FOCAD: variants seen among roughly 807,000 people sequenced by gnomAD.
The protein encoded by FOCAD is KIAA1797.
A neutral mutation model predicts 225.6 loss-of-function variants in FOCAD; 198 were observed. The observed-to-expected ratio is 0.88, with a 90% CI of 0.78 to 0.99. The LOEUF (loss-of-function observed/expected upper bound fraction) is 0.99, where lower values mean the gene tolerates loss of function less well. Among genes scored for constraint, FOCAD ranks in the 50% least tolerant of loss-of-function variants. The probability of loss-of-function intolerance (pLI) is 0.00; values close to 1 mark genes in which losing one functional copy is unlikely to be tolerated. For missense variants in FOCAD, 2,713 were observed against 2,123.6 expected, an observed-to-expected ratio of 1.28 and a Z score of -5.46; for synonymous variants, 897 against 755.0, an observed-to-expected ratio of 1.19 and a Z score of -3.08.
At chr9:20,676,220 G>A (rs573372194) in intron 2 of FOCAD, among the ~76,000 whole-genome samples, 1 of 152,290 alleles carries the variant, frequency 6.6e-6, no homozygotes, top group Admixed American at 6.5e-5. Flanking sequence ...AGTTCCAATG[G>A]TGAACTTCAT....
intron 22 of FOCAD, among the ~76,000 whole-genome samples, chr9:20,908,896 G>T (rs1833202558): frequency 6.6e-6 from 1 of 151,972 alleles, no homozygotes; most frequent in Admixed American, 6.6e-5. Flanking sequence ...GATACTGAGG[G>T]CACTCCTTCC....
At chr9:20,859,317 G>C (rs1828536627) in intron 15 of FOCAD, among the ~76,000 whole-genome samples, 1 of 151,830 alleles carries the variant, frequency 6.6e-6, no homozygotes, top group Non-Finnish European at 1.5e-5. Context: ...GGGAGGTGGA[G>C]GTTGCAGTGA....
At chr9:20,752,514 C>G (rs1335466510) in intron 5 of FOCAD, among the ~76,000 whole-genome samples, 13 of 152,240 alleles carry the variant, frequency 8.5e-5, no homozygotes, top group Admixed American at 2.6e-4. Context: ...TTCCATTGAT[C>G]TATATCTCTG....
intron 10 of FOCAD, among the ~76,000 whole-genome samples, chr9:20,782,699 A>G (rs1442616428): frequency 1.3e-5 from 2 of 152,212 alleles, no homozygotes; most frequent in East Asian, 1.9e-4. Flanking sequence ...AAGCTGGTGA[A>G]GCATCTTAAA....
At chr9:20,692,007 C>T (rs943825448) in intron 1 of FOCAD, among the ~76,000 whole-genome samples, 2 of 152,142 alleles carry the variant, frequency 1.3e-5, no homozygotes, top group East Asian at 3.8e-4. Flanking sequence ...GCCTTGGCCT[C>T]CCAAAGTGCT....
chr9:20,976,480 G>A lies in FOCAD; in HGVS notation c.4193G>A (p.Gly1398Glu). The change falls in exon 36 of 44, where the codon GGA becomes GAA. Residue 1398 changes from glycine to glutamate, a missense_variant. Coordinates refer to ENST00000338382, the MANE Select transcript of FOCAD (RefSeq NM_001375567.1). ...GTGATGAAACCCATAGCAACTGTTG[G>A]AGAAAGCTACCAATATCCTCCTGTG... The part of the protein sequence containing the change: ...KVVMKPIATV[G>E]ESYQYPPVNW... The A allele has an allele frequency of 6.2e-7, 1 of 1,613,330 alleles. No individual in the cohort carries two copies.
In FOCAD at chr9:20,715,858, C is replaced by A. The variant is rs192552397; in HGVS notation, c.57+448C>A. Among the ~76,000 whole-genome samples, 75 of 152,186 alleles carry A rather than the reference C, an allele frequency of 4.9e-4. No individual in the cohort carries two copies. In the East Asian group the frequency reaches 9.8e-3, roughly 20 times the overall value. On this transcript the variant is annotated intron_variant, in intron 2 of 43. Coordinates refer to ENST00000338382, the MANE Select transcript of FOCAD (RefSeq NM_001375567.1). ...TGGATTAGAAAATTTGATATATCTA[C>A]TAAGATAGAAGATTGTGATAACTTT... is the stretch of plus-strand genomic sequence containing the variant.
chr9:20,826,280 C>T (rs534416839), intron 15 of FOCAD, among the ~76,000 whole-genome samples: 10 of 152,112 alleles, frequency 6.6e-5, no homozygotes, highest in South Asian at 2.1e-4. Flanking sequence ...AGAGTAAAGC[C>T]GGCAGAAGAA....
At chr9:20,935,039 T>C (rs1835827699) in intron 28 of FOCAD, among the ~76,000 whole-genome samples, 1 of 152,140 alleles carries the variant, frequency 6.6e-6, no homozygotes, top group African/African-American at 2.4e-5. Context: ...ATAATTACCA[T>C]AGTGTCAAAA....
intron 15 of FOCAD, among the ~76,000 whole-genome samples, chr9:20,830,611 G>A (rs7850906): frequency 0.82 from 125,046 of 152,106 alleles, 51,539 homozygotes; most frequent in Admixed American, 0.88. Context: ...CTTACTTTCC[G>A]TTGAATGAAA....
At chr9:20,695,297 G>C (rs539078653) in intron 1 of FOCAD, among the ~76,000 whole-genome samples, 226 of 152,238 alleles carry the variant, frequency 1.5e-3, no homozygotes, top group Non-Finnish European at 2.5e-3. Flanking sequence ...GTGATGCTAA[G>C]ATGAATCAAT....
intron 20 of FOCAD, among the ~76,000 whole-genome samples, chr9:20,882,258 AG>A (rs1830735910): frequency 5.9e-5 from 9 of 152,246 alleles, no homozygotes. Flanking sequence ...TTTCAGAGTC[AG>A]CATAACATTT....
At chr9:20,890,114 T>G (rs960792298) in intron 21 of FOCAD, among the ~76,000 whole-genome samples, 3 of 152,108 alleles carry the variant, frequency 2.0e-5, no homozygotes, top group African/African-American at 7.2e-5. Flanking sequence ...ACTGTAATGT[T>G]GTCTATAAAT....
At position 20,872,051 on chromosome 9, in the gene FOCAD, A is replaced by C. The variant is rs562794277; in HGVS notation, c.2191-2630A>C. On this transcript the variant is annotated intron_variant, in intron 18 of 43. Coordinates refer to ENST00000338382, the MANE Select transcript of FOCAD (RefSeq NM_001375567.1). ...ACCTATTAGAAAACAAAATTGAAGG[A>C]GTGATCATACCATTATAAATACATA... is the stretch of plus-strand genomic sequence containing the variant. Among the ~76,000 whole-genome samples the C allele has an allele frequency of 1.3e-4, 20 of 152,216 alleles. 1 individual carries two copies. In the South Asian group the frequency reaches 4.1e-3, roughly 32 times the overall value.
chr9:20,710,500 G>C (rs999795804), intron 1 of FOCAD, among the ~76,000 whole-genome samples: 1 of 151,836 alleles, frequency 6.6e-6, no homozygotes, highest in African/African-American at 2.4e-5. Context: ...TGGAGGCTGA[G>C]GCAGGAGAAT....
intron 15 of FOCAD, among the ~76,000 whole-genome samples, chr9:20,829,176 A>G (rs986991656): frequency 1.3e-5 from 2 of 152,090 alleles, no homozygotes; most frequent in Non-Finnish European, 2.9e-5. Context: ...GCTGGGTCAG[A>G]TGGTATTTCT....
intron 11 of FOCAD, among the ~76,000 whole-genome samples, chr9:20,792,061 C>T (rs150420897): frequency 0.01 from 1,591 of 152,210 alleles, 28 homozygotes; most frequent in African/African-American, 0.037. Flanking sequence ...TATGTAGAAG[C>T]CTTATAGGAT....
intron 15 of FOCAD, among the ~76,000 whole-genome samples, chr9:20,833,940 A>G (rs1825747912): frequency 6.6e-6 from 1 of 152,116 alleles, no homozygotes. Flanking sequence ...GCAGTTTCTT[A>G]TAAATATGAA....
intron 39 of FOCAD, among the ~76,000 whole-genome samples, chr9:20,984,477 A>G (rs1840977479): frequency 6.6e-6 from 1 of 152,248 alleles, no homozygotes; most frequent in African/African-American, 2.4e-5. Flanking sequence ...ATATTTACTT[A>G]AAAGCAATAA....
Sources: allele counts gnomAD v4.1 joint callset (sites outside exome capture counted in the v4.1 genomes callset), GRCh38; gene constraint gnomAD v4.1.1; transcripts MANE v1.5; gene names NCBI Gene and HGNC (gene_info 2026-07-23, HGNC 2026-07-21).